The following ALDH9A1 variants were observed in gnomAD, a reference collection of about 807,000 sequenced individuals.
ALDH9A1 encodes aldehyde dehydrogenase 9 family member A1, also known as 4-trimethylaminobutyraldehyde dehydrogenase.
Under a neutral mutation model 56.6 loss-of-function variants are expected in ALDH9A1, and 42 were observed. The observed-to-expected ratio is 0.74, with a 90% CI of 0.58 to 0.96. ALDH9A1 has a LOEUF of 0.96. ALDH9A1 is among the 40% of genes least tolerant of loss of function. The probability of loss-of-function intolerance (pLI) is 0.00; values close to 1 mark genes in which losing one functional copy is unlikely to be tolerated. For missense variants in ALDH9A1, 661 were observed against 651.5 expected (o/e 1.01, Z -0.16); for synonymous variants, 242 against 236.0 (o/e 1.03, Z -0.23).
chr1:165,697,352 A>G (rs1291734059), intron 1 of ALDH9A1, among the ~76,000 whole-genome samples: 1 of 152,236 alleles, frequency 6.6e-6, no homozygotes, highest in African/African-American at 2.4e-5. Flanking sequence ...CTATCCAAAA[A>G]AAGCCATTAA....
intron 4 of ALDH9A1, among the ~76,000 whole-genome samples, chr1:165,681,133 T>C (rs889052270): frequency 6.6e-6 from 1 of 152,222 alleles, no homozygotes; most frequent in African/African-American, 2.4e-5. Flanking sequence ...TTCTGGGTGA[T>C]ACAATTCAAG....
rs1435084264 is a variant in ALDH9A1, at chr1:165,680,689, T to A, written c.593-6A>T. ...TTTAAAGACCATGGCATTACCTGCA[T>A]AAACCCAAGACACAAACATAAAAAG... On this transcript the variant is annotated splice_polypyrimidine_tract_variant and splice_region_variant and intron_variant, in intron 4 of 10. Transcript: ENST00000354775. 3 of 1,597,794 alleles carry A rather than the reference T, an allele frequency of 1.9e-6. No homozygotes were observed. The highest frequency in any genetic ancestry group is 2.6e-6 in the Non-Finnish European group (3 of 1,172,980).
chr1:165,678,476 A>C lies in ALDH9A1; in HGVS notation c.930+966T>G, dbSNP rs188088224. 3.3e-5 allele frequency among the ~76,000 whole-genome samples: 5 copies of C among 152,340 alleles called. No homozygotes were observed. The East Asian group carries it at 7.7e-4, about 23-fold the overall frequency. On this transcript the variant is annotated intron_variant, in intron 6 of 10. Transcript: ENST00000354775. Reference sequence around the variant, plus strand: ...TGGAAAACAAACAGGGGTGAAGGGCAAGTTCTTTCTTACAGTAGAAGGTGA... The same window carrying C: ...TGGAAAACAAACAGGGGTGAAGGGCCAGTTCTTTCTTACAGTAGAAGGTGA...
intron 6 of ALDH9A1, chr1:165,676,808 C>T: frequency 2.5e-6 from 1 of 406,692 alleles, no homozygotes; most frequent in South Asian, 2.2e-5. Flanking sequence ...AATAAAAGAC[C>T]TCTGGACTGC....
intron 6 of ALDH9A1, among the ~76,000 whole-genome samples, chr1:165,673,596 G>A (rs1649250991): frequency 6.6e-6 from 1 of 152,126 alleles, no homozygotes; most frequent in African/African-American, 2.4e-5. Flanking sequence ...AGCACTGATT[G>A]GCCAACTCTG....
intron 6 of ALDH9A1, among the ~76,000 whole-genome samples, chr1:165,673,545 A>G (rs1438554859): frequency 6.6e-6 from 1 of 152,126 alleles, no homozygotes; most frequent in Non-Finnish European, 1.5e-5. Flanking sequence ...TGGAAGGGAC[A>G]ATACTGAGGA....
chr1:165,694,977 T>TA (rs1277645689), intron 2 of ALDH9A1, among the ~76,000 whole-genome samples: 1 of 146,914 alleles, frequency 6.8e-6, no homozygotes, highest in Admixed American at 6.8e-5. Flanking sequence ...AAAATAAAAA[T>TA]AAAAAAAGGA....
intron 2 of ALDH9A1, 125 bp from the exon 3 acceptor site, chr1:165,683,235 AAATGGCAGTGTT>A: frequency 9.8e-7 from 1 of 1,025,312 alleles, no homozygotes. Flanking sequence ...AAATGAAAAG[AAATGGCAGTGTT>A]ACATTTAGAA....
intron 6 of ALDH9A1, among the ~76,000 whole-genome samples, chr1:165,675,194 C>T (rs989458673): frequency 1.3e-5 from 2 of 151,082 alleles, no homozygotes; most frequent in Non-Finnish European, 2.9e-5. Context: ...GACTCCATCT[C>T]GAAAAAATAA....
intron 1 of ALDH9A1, 52 bp downstream of exon 1, chr1:165,698,326 T>TCCGCGCATCCGG (rs931260333): frequency 6.5e-7 from 1 of 1,546,026 alleles, no homozygotes; most frequent in African/African-American, 1.4e-5. Flanking sequence ...GGCCGGGAAA[T>TCCGCGCATCCGG]CCGCGCATCC....
At chr1:165,698,251 T>G in intron 1 of ALDH9A1, 127 bp downstream of exon 1, 1 of 1,442,562 alleles carries the variant, frequency 6.9e-7, no homozygotes, top group Non-Finnish European at 9.1e-7. Context: ...ACACACAACC[T>G]TAGACTCTCC....
At chr1:165,686,678 A>C (rs980125487) in intron 2 of ALDH9A1, among the ~76,000 whole-genome samples, 1 of 152,148 alleles carries the variant, frequency 6.6e-6, no homozygotes, top group African/African-American at 2.4e-5. Context: ...AAATCTTCCA[A>C]GGATCAAACT....
At chr1:165,669,091 G>A (rs1571166646) in intron 7 of ALDH9A1, 78 bp from the exon 8 acceptor site, 19 of 1,391,884 alleles carry the variant, frequency 1.4e-5, no homozygotes, top group African/African-American at 5.8e-5. Context: ...ATTGTATCCC[G>A]AACAAACACA....
Position 165,662,399 on chromosome 1 carries a change from C to T in ALDH9A1, c.*651G>A, listed in dbSNP as rs929528467. 6.6e-6 allele frequency: 1 copy of T among 152,308 alleles called. No individual in the cohort carries two copies. The highest frequency in any genetic ancestry group is 2.4e-5 in the African/African-American group (1 of 41,436). 9.4% of individuals were successfully genotyped at this position (152,308 alleles called of 1,614,324 possible). The stretch of plus-strand genomic sequence containing the variant: ...AGACAAAGTGCTTACTAGGCAAGTT[C>T]ACATTCACACAGAATTTGACCCCAT... On this transcript the variant is annotated 3_prime_UTR_variant, in exon 11 of 11. Transcript: ENST00000354775.
Position 165,679,533 on chromosome 1 carries a change from C to T in ALDH9A1, c.839G>A (p.Gly280Glu). The part of the protein sequence containing the change: ...KGIKPVTLEL[G>E]GKSPLIIFSD... ...GAAGATGATGAGTGGAGATTTGCCT[C>T]CAAGTTCCAAGGTAACAGGTTTGAT... Residue 280 changes from glycine (G) to glutamate (E), a missense_variant, in exon 6 of 11, where the codon GGA becomes GAA. Coordinates refer to ENST00000354775, the MANE Select transcript of ALDH9A1 (RefSeq NM_000696.4). 9.3e-6 allele frequency: 15 copies of T among 1,614,140 alleles called. No homozygotes were observed. Among genetic ancestry groups the T allele is most frequent in the Non-Finnish European group, 1.3e-5 (15 of 1,180,024 alleles).
intron 6 of ALDH9A1, among the ~76,000 whole-genome samples, chr1:165,678,239 C>T (rs1649431344): frequency 6.6e-6 from 1 of 150,408 alleles, no homozygotes; most frequent in South Asian, 2.1e-4. Flanking sequence ...GAGGCTGAGG[C>T]GGGGGAATCG....
At chr1:165,667,568 T>C (rs1186154979) in intron 8 of ALDH9A1, 118 bp from the exon 9 acceptor site, 8 of 1,090,182 alleles carry the variant, frequency 7.3e-6, no homozygotes, top group African/African-American at 1.6e-5. Context: ...CTCAAACACC[T>C]GGGCTCCAGC....
intron 4 of ALDH9A1, among the ~76,000 whole-genome samples, chr1:165,681,474 T>C (rs910353606): frequency 5.3e-5 from 8 of 152,160 alleles, no homozygotes; most frequent in African/African-American, 1.4e-4. Flanking sequence ...CAAAGAGAAA[T>C]AGGCTAAAAC....
chr1:165,678,202 C>T (rs1422581358), intron 6 of ALDH9A1, among the ~76,000 whole-genome samples: 2 of 151,806 alleles, frequency 1.3e-5, no homozygotes, highest in Admixed American at 6.6e-5. Context: ...GGCATGGTGG[C>T]GGGCACCTGT....
Sources: gnomAD v4.1 joint callset for allele counts (sites outside exome capture counted in the v4.1 genomes callset) on GRCh38, gnomAD v4.1.1 for gene constraint, MANE v1.5 for transcripts, NCBI Gene and HGNC (gene_info 2026-07-23, HGNC 2026-07-21) for gene names.